TMPRSS11F: variants seen among roughly 807,000 people sequenced by gnomAD.
TMPRSS11F encodes transmembrane serine protease 11F.
Under a neutral mutation model 60.2 loss-of-function variants are expected in TMPRSS11F, and 47 were observed. That is an observed-to-expected ratio of 0.78 (90% CI 0.62 to 1.00). The LOEUF (loss-of-function observed/expected upper bound fraction) is 1.00. Ranked by LOEUF, TMPRSS11F falls within the 50% of genes least tolerant of loss-of-function variation. TMPRSS11F has a pLI of 0.00. For missense variants in TMPRSS11F, 519 were observed against 522.9 expected (o/e 0.99, Z 0.07); for synonymous variants, 166 against 167.3 (o/e 0.99, Z 0.06).
chr4:68,072,228 A>ATATATATATATATATATATATCT (rs1491207172), intron 5 of TMPRSS11F, 95 bp downstream of exon 5: 1 of 86,586 alleles, frequency 1.2e-5, no homozygotes, highest in Non-Finnish European at 2.1e-5. Flanking sequence ...TTCCAAAAAA[A>ATATATATATATATATATATATCT]AAATATATAT....
intron 2 of TMPRSS11F, 77 bp from the exon 3 acceptor site, chr4:68,090,718 G>A (rs1723911007): frequency 2.0e-6 from 3 of 1,518,576 alleles, no homozygotes; most frequent in African/African-American, 2.8e-5. Flanking sequence ...GCCCACACCT[G>A]CTAAATAGGC....
At chr4:68,119,293 T>C (rs1031673333) in intron 1 of TMPRSS11F, among the ~76,000 whole-genome samples, 1 of 152,124 alleles carries the variant, frequency 6.6e-6, no homozygotes, top group Admixed American at 6.5e-5. Context: ...AGAAACCATT[T>C]TCATAACATA....
intron 9 of TMPRSS11F, among the ~76,000 whole-genome samples, chr4:68,059,033 A>G (rs1217305997): frequency 1.3e-5 from 2 of 152,218 alleles, no homozygotes; most frequent in African/African-American, 2.4e-5. Flanking sequence ...GTCATTAAAA[A>G]ATGTGAGGGG....
intron 9 of TMPRSS11F, among the ~76,000 whole-genome samples, chr4:68,055,815 G>A (rs1450401023): frequency 6.6e-6 from 1 of 152,080 alleles, no homozygotes; most frequent in East Asian, 1.9e-4. Context: ...AAATACTCAT[G>A]AACCAAATTC....
chr4:68,065,667 G>T (rs1723310371), intron 7 of TMPRSS11F, among the ~76,000 whole-genome samples: 1 of 151,922 alleles, frequency 6.6e-6, no homozygotes, highest in African/African-American at 2.4e-5. Flanking sequence ...TCTTTTTAAA[G>T]TTATCCTCAT....
At chr4:68,128,762 T>C (rs1193703469) in intron 1 of TMPRSS11F, among the ~76,000 whole-genome samples, 2 of 152,152 alleles carry the variant, frequency 1.3e-5, no homozygotes, top group African/African-American at 4.8e-5. Context: ...ATAAGAAATA[T>C]ACTTTGTTGT....
At chr4:68,113,955 C>T (rs973578344) in intron 1 of TMPRSS11F, among the ~76,000 whole-genome samples, 2 of 151,642 alleles carry the variant, frequency 1.3e-5, no homozygotes, top group Non-Finnish European at 2.9e-5. Context: ...AGAATTGAAC[C>T]ACAAGTTAAT....
intron 3 of TMPRSS11F, among the ~76,000 whole-genome samples, chr4:68,090,034 CAA>C (rs1378481328): frequency 6.6e-6 from 1 of 151,948 alleles, no homozygotes; most frequent in Non-Finnish European, 1.5e-5. Flanking sequence ...TAAAAAATTA[CAA>C]ATAACTTGAT....
intron 5 of TMPRSS11F, among the ~76,000 whole-genome samples, chr4:68,070,941 C>T (rs1723448123): frequency 6.6e-6 from 1 of 152,100 alleles, no homozygotes. Flanking sequence ...TGAGCATGGT[C>T]AGAGAATTTA....
chr4:68,120,376 C>CTTTTTTTTT, intron 1 of TMPRSS11F, among the ~76,000 whole-genome samples: 1 of 123,794 alleles, frequency 8.1e-6, no homozygotes, highest in African/African-American at 3.2e-5. Context: ...ACAGAGAAAT[C>CTTTTTTTTT]TTTTTTTTTT....
intron 8 of TMPRSS11F, among the ~76,000 whole-genome samples, chr4:68,060,299 A>C (rs2109829365): frequency 6.6e-6 from 1 of 150,888 alleles, no homozygotes; most frequent in African/African-American, 2.4e-5. Context: ...TGAGGTCAGG[A>C]GATCGAGACC....
At chr4:68,056,587 C>T (rs960664715) in intron 9 of TMPRSS11F, among the ~76,000 whole-genome samples, 1 of 151,938 alleles carries the variant, frequency 6.6e-6, no homozygotes, top group Non-Finnish European at 1.5e-5. Flanking sequence ...AAAGAATTAT[C>T]ATTGTTAAAA....
chr4:68,072,226 A>AT lies in TMPRSS11F; in HGVS notation c.514+96_514+97insA, dbSNP rs61224244. On this transcript the variant is annotated intron_variant, in intron 5 of 9. Coordinates refer to ENST00000356291, the MANE Select transcript of TMPRSS11F (RefSeq NM_207407.2). ...ATATATATATATATATCTTCCAAAAAAAAAATATATATATATATATATATT... is the reference window on the plus strand; with the variant it reads ...ATATATATATATATATCTTCCAAAAATAAAAATATATATATATATATATATT... The AT allele has an allele frequency of 1.1e-3, 85 of 79,466 alleles. 11 individuals are homozygous for AT. The highest frequency in any genetic ancestry group is 3.0e-3 in the East Asian group (5 of 1,668). 4.9% of individuals were successfully genotyped at this position (79,466 alleles called of 1,614,324 possible). A position where few individuals can be genotyped will look rare whatever the true frequency, so the allele number is the denominator to read the frequency against.
chr4:68,079,389 G>T (rs567228816), intron 3 of TMPRSS11F, among the ~76,000 whole-genome samples: 1 of 152,250 alleles, frequency 6.6e-6, no homozygotes, highest in East Asian at 1.9e-4. Context: ...GTTGGTGGGA[G>T]ACAGGCAGGT....
chr4:68,110,064 A>G (rs988763952), intron 1 of TMPRSS11F, among the ~76,000 whole-genome samples: 2 of 152,188 alleles, frequency 1.3e-5, no homozygotes, highest in Non-Finnish European at 2.9e-5. Flanking sequence ...ACATATTTGT[A>G]TTCAACCTGA....
At chr4:68,108,080 A>G (rs1724338561) in intron 1 of TMPRSS11F, among the ~76,000 whole-genome samples, 1 of 152,192 alleles carries the variant, frequency 6.6e-6, no homozygotes, top group Non-Finnish European at 1.5e-5. Flanking sequence ...TGATTAGGGG[A>G]CCCTTGCAAT....
intron 9 of TMPRSS11F, among the ~76,000 whole-genome samples, chr4:68,058,507 A>G (rs545672097): frequency 6.6e-6 from 1 of 152,364 alleles, no homozygotes; most frequent in East Asian, 1.9e-4. Flanking sequence ...ATCAGTCATC[A>G]CATATTTTCA....
intron 9 of TMPRSS11F, among the ~76,000 whole-genome samples, chr4:68,056,763 C>T (rs1227005005): frequency 6.6e-6 from 1 of 151,964 alleles, no homozygotes; most frequent in Non-Finnish European, 1.5e-5. Context: ...GAGCTACAGG[C>T]CTTATACTAC....
chr4:68,108,606 T>C (rs1202514568), intron 1 of TMPRSS11F, among the ~76,000 whole-genome samples: 1 of 152,172 alleles, frequency 6.6e-6, no homozygotes, highest in African/African-American at 2.4e-5. Context: ...TTACATGCCA[T>C]GTACCCAATG....
Sources: allele counts gnomAD v4.1 joint callset (sites outside exome capture counted in the v4.1 genomes callset), GRCh38; gene constraint gnomAD v4.1.1; transcripts MANE v1.5; gene names NCBI Gene and HGNC (gene_info 2026-07-23, HGNC 2026-07-21).